ABLIM1: variants seen among roughly 807,000 people sequenced by gnomAD.
ABLIM1 encodes actin-binding LIM protein 1.
In ABLIM1, 40 loss-of-function variants were observed where a neutral mutation model predicts 107.0. That is an observed-to-expected ratio of 0.37 (90% CI 0.29 to 0.49). ABLIM1 has a LOEUF of 0.49. Among genes scored for constraint, ABLIM1 ranks in the 20% least tolerant of loss-of-function variants. The pLI is 0.97. For missense variants in ABLIM1, 857 were observed against 1,008.5 expected (o/e 0.85, Z 2.04); for synonymous variants, 357 against 357.3 (o/e 1.00, Z 0.01).
At chr10:114,714,453 TC>T (rs1396004424) in intron 1 of ABLIM1, among the ~76,000 whole-genome samples, 5 of 152,168 alleles carry the variant, frequency 3.3e-5, no homozygotes, top group Admixed American at 6.5e-5. Flanking sequence ...AAGCCAGTGA[TC>T]CTGACATCTT....
At position 114,472,972 on chromosome 10, in the gene ABLIM1, AT is replaced by A; in HGVS notation, c.1275+4del. The A allele has an allele frequency of 1.3e-6, 2 of 1,576,734 alleles. No individual in the cohort carries two copies. The highest frequency in any genetic ancestry group is 1.2e-5 in the South Asian group (1 of 84,952). On this transcript the variant is annotated splice_donor_region_variant and intron_variant, in intron 10 of 22. Transcript: ENST00000533213. ...TACAACTCACAACCAGTAGGAATGTATTACCTCTCCAAGGCTCTGTCTCTCC... is the reference window on the plus strand; with the variant it reads ...TACAACTCACAACCAGTAGGAATGTATACCTCTCCAAGGCTCTGTCTCTCC...
At chr10:114,661,951 C>T (rs192568541), upstream of ABLIM1, among the ~76,000 whole-genome samples, 123 of 152,308 alleles carry the variant, frequency 8.1e-4, no homozygotes, top group Middle Eastern at 6.8e-3. Flanking sequence ...GCTCGGCGAA[C>T]AGATGCCTCA....
intron 1 of ABLIM1, among the ~76,000 whole-genome samples, chr10:114,613,932 G>A (rs1022903131): frequency 6.6e-6 from 1 of 152,040 alleles, no homozygotes; most frequent in Non-Finnish European, 1.5e-5. Context: ...CGGTGACAAG[G>A]GAGCATAACC....
intron 1 of ABLIM1, among the ~76,000 whole-genome samples, chr10:114,748,793 A>G (rs1040368287): frequency 3.3e-5 from 5 of 151,794 alleles, no homozygotes; most frequent in African/African-American, 9.7e-5. Flanking sequence ...AGTAGCTGGG[A>G]CTACAGACAT....
Position 114,494,572 on chromosome 10 carries a change from C to A in ABLIM1, c.895-2694G>T, listed in dbSNP as rs373438379. On this transcript the variant is annotated intron_variant, in intron 6 of 22. Coordinates refer to ENST00000533213, the MANE Select transcript of ABLIM1 (RefSeq NM_002313.7). ...AACCAAACAACAACAACAACAACAA[C>A]AAAACCAGAAAACAACCCCAATAAA... Among the ~76,000 whole-genome samples, 30 of 152,146 alleles carry A rather than the reference C, an allele frequency of 2.0e-4. No individual in the cohort carries two copies. The East Asian group carries it at 5.8e-3, about 29-fold the overall frequency.
intron 2 of ABLIM1, 66 bp downstream of exon 2, chr10:114,601,761 G>T: frequency 6.2e-7 from 1 of 1,610,986 alleles, no homozygotes; most frequent in Non-Finnish European, 8.5e-7. Context: ...TTAAGGGGAT[G>T]GGCTGGACCC....
At chr10:114,690,688 A>T (rs1046615016) in intron 1 of ABLIM1, 27 of 405,366 alleles carry the variant, frequency 6.7e-5, no homozygotes, top group Non-Finnish European at 8.0e-5. Flanking sequence ...GCAAAAGCCT[A>T]TTTTTTTTTT....
At chr10:114,709,016 G>A (rs1467622849) in intron 1 of ABLIM1, among the ~76,000 whole-genome samples, 5 of 152,316 alleles carry the variant, frequency 3.3e-5, no homozygotes, top group Admixed American at 6.5e-5. Context: ...CTAAGGGGAA[G>A]TTGATTAGGG....
At chr10:114,585,701 ATTCTTT>A (rs1384364930) in intron 2 of ABLIM1, among the ~76,000 whole-genome samples, 3 of 152,100 alleles carry the variant, frequency 2.0e-5, no homozygotes, top group Non-Finnish European at 4.4e-5. Context: ...CCCCACTGAC[ATTCTTT>A]TTACCACTAT....
intron 1 of ABLIM1, among the ~76,000 whole-genome samples, chr10:114,703,879 C>A (rs2081353918): frequency 6.6e-6 from 1 of 152,156 alleles, no homozygotes; most frequent in Non-Finnish European, 1.5e-5. Flanking sequence ...AGGAAACATT[C>A]ACGTTTCTCA....
In ABLIM1 at chr10:114,695,211, A is replaced by G. The variant is rs147554851; in HGVS notation, c.-213+72850T>C. On this transcript the variant is annotated intron_variant, in intron 1 of 15. Transcript: ENST00000651092. Reference sequence around the variant, plus strand: ...CAGATGCCCCTTTAAGGGACAGCATAATACTTAAGTATCTAAAGCAACTAA... The same window carrying G: ...CAGATGCCCCTTTAAGGGACAGCATGATACTTAAGTATCTAAAGCAACTAA... 5.7e-4 allele frequency among the ~76,000 whole-genome samples: 87 copies of G among 152,364 alleles called. 1 individual carries two copies. In the East Asian group the frequency reaches 0.016, roughly 28 times the overall value.
intron 16 of ABLIM1, among the ~76,000 whole-genome samples, chr10:114,444,986 C>G (rs756604004): frequency 5.3e-5 from 8 of 152,232 alleles, no homozygotes; most frequent in Non-Finnish European, 1.2e-4. Flanking sequence ...CCTTGCTCTG[C>G]CTGGCCCTCC....
intron 4 of ABLIM1, among the ~76,000 whole-genome samples, chr10:114,552,028 T>C (rs2068125337): frequency 6.6e-6 from 1 of 152,072 alleles, no homozygotes. Flanking sequence ...CCAATCCCTA[T>C]GATACACATC....
intron 6 of ABLIM1, among the ~76,000 whole-genome samples, chr10:114,514,029 C>G (rs1333369076): frequency 6.6e-6 from 1 of 152,204 alleles, no homozygotes; most frequent in African/African-American, 2.4e-5. Context: ...CTTTTAGGAT[C>G]TACAGATTAG....
the ABLIM1 span, among the ~76,000 whole-genome samples, chr10:114,792,815 T>C: frequency 6.6e-6 from 1 of 152,200 alleles, no homozygotes; most frequent in African/African-American, 2.4e-5. Context: ...TGTGGAGATC[T>C]GATATAATTT....
chr10:114,515,066 G>A (rs1434444053), intron 6 of ABLIM1, among the ~76,000 whole-genome samples: 1 of 152,216 alleles, frequency 6.6e-6, no homozygotes, highest in Non-Finnish European at 1.5e-5. Flanking sequence ...GCAGGGGATG[G>A]GTGAGAAGGA....
intron 14 of ABLIM1, among the ~76,000 whole-genome samples, chr10:114,450,437 T>C (rs1264780530): frequency 2.3e-4 from 32 of 139,246 alleles, no homozygotes; most frequent in African/African-American, 7.5e-4. Flanking sequence ...CTTTCTTTCT[T>C]TTTTTTTTTT....
At chr10:114,535,030 C>A (rs978221260) in intron 6 of ABLIM1, among the ~76,000 whole-genome samples, 6 of 152,224 alleles carry the variant, frequency 3.9e-5, no homozygotes, top group Non-Finnish European at 2.9e-5. Flanking sequence ...TTCATTCAAT[C>A]AATGTGCTCT....
At chr10:114,626,860 T>C (rs916894990) in intron 1 of ABLIM1, among the ~76,000 whole-genome samples, 3 of 152,124 alleles carry the variant, frequency 2.0e-5, no homozygotes, top group African/African-American at 7.2e-5. Context: ...TGGAGTCAGA[T>C]AGGCACACAG....
Sources: allele counts gnomAD v4.1 joint callset (sites outside exome capture counted in the v4.1 genomes callset), GRCh38; gene constraint gnomAD v4.1.1; transcripts MANE v1.5; gene names NCBI Gene and HGNC (gene_info 2026-07-23, HGNC 2026-07-21).